KCNJ10: variants seen among roughly 807,000 people sequenced by gnomAD.
The protein encoded by KCNJ10 is ATP-sensitive inward rectifier potassium channel 10.
KCNJ10 carries 9 observed loss-of-function variants against 22.2 expected under a neutral mutation model. That is an observed-to-expected ratio of 0.40 (90% confidence interval 0.24 to 0.71). KCNJ10 has a LOEUF of 0.71. KCNJ10 is among the 30% of genes least tolerant of loss of function. The probability of loss-of-function intolerance (pLI) is 0.35; values close to 1 mark genes in which losing one functional copy is unlikely to be tolerated. For synonymous variants in KCNJ10, 184 were observed against 187.3 expected, an observed-to-expected ratio of 0.98 and a Z score of 0.15; for missense variants, 337 against 482.7, an observed-to-expected ratio of 0.70 and a Z score of 2.83.
chr1:160,049,717 A>ATATG (rs1648855672), intron 1 of KCNJ10, among the ~76,000 whole-genome samples: 1 of 113,778 alleles, frequency 8.8e-6, no homozygotes, highest in African/African-American at 3.4e-5. Context: ...ATATATATAT[A>ATATG]TATGTTATCC....
chr1:160,040,845 AG>A lies in KCNJ10; in HGVS notation c.*547del, dbSNP rs909225416. 129 of 370,574 alleles carry A rather than the reference AG, an allele frequency of 3.5e-4. No homozygotes were observed. The highest frequency in any genetic ancestry group is 2.5e-3 in the African/African-American group (122 of 48,298). The allele number at this position is 370,574 out of a possible 1,614,324, so 23.0% of individuals were successfully genotyped here. ...GGTCAGAAGTCACCAGCAGAAATCAAGCTTCACAGTGGCAAACCCTGGCTTC... is the reference window on the plus strand; with the variant it reads ...GGTCAGAAGTCACCAGCAGAAATCAACTTCACAGTGGCAAACCCTGGCTTC... On this transcript the variant is annotated 3_prime_UTR_variant, in exon 2 of 2. Coordinates refer to ENST00000644903, the MANE Select transcript of KCNJ10 (RefSeq NM_002241.5).
chr1:160,043,989 T>C (rs1012005033), intron 1 of KCNJ10, among the ~76,000 whole-genome samples: 2 of 152,180 alleles, frequency 1.3e-5, no homozygotes, highest in African/African-American at 4.8e-5. Flanking sequence ...TTCGAAAAAG[T>C]CTGAACCATT....
chr1:160,069,039 T>C (rs1649390893), intron 1 of KCNJ10, among the ~76,000 whole-genome samples: 1 of 152,330 alleles, frequency 6.6e-6, no homozygotes, highest in South Asian at 2.1e-4. Context: ...TTTGTATTGG[T>C]AAGCAACAGA....
intron 1 of KCNJ10, among the ~76,000 whole-genome samples, chr1:160,048,434 T>A (rs997406743): frequency 6.6e-6 from 1 of 152,228 alleles, no homozygotes; most frequent in Non-Finnish European, 1.5e-5. Flanking sequence ...GAGAATGAGC[T>A]TTGTAAATTG....
chr1:160,069,311 C>T lies in KCNJ10; in HGVS notation c.-1+711G>A, dbSNP rs1032169764. On this transcript the variant is annotated intron_variant, in intron 1 of 1. Transcript: ENST00000644903. ...AGAGGAGGAATGGAATGGGAAGGGGCGTCTCCATCTGGAGGGTGAGTTTAT... is the reference window on the plus strand; with the variant it reads ...AGAGGAGGAATGGAATGGGAAGGGGTGTCTCCATCTGGAGGGTGAGTTTAT... Among the ~76,000 whole-genome samples the T allele has an allele frequency of 2.6e-4, 39 of 152,178 alleles. 1 individual carries two copies. Among genetic ancestry groups the T allele is most frequent in the Admixed American group, 2.2e-3 (33 of 15,274 alleles).
chr1:160,050,510 G>A (rs866977191), intron 1 of KCNJ10, among the ~76,000 whole-genome samples: 63 of 152,274 alleles, frequency 4.1e-4, no homozygotes, highest in African/African-American at 1.5e-3. Flanking sequence ...AGATGGATCA[G>A]ATGTAGATTC....
At chr1:160,069,068 GC>G (rs1649391203) in intron 1 of KCNJ10, among the ~76,000 whole-genome samples, 1 of 152,330 alleles carries the variant, frequency 6.6e-6, no homozygotes, top group Non-Finnish European at 1.5e-5. Context: ...TTAAGCACTG[GC>G]CTCTTTGGGG....
chr1:160,055,930 C>T (rs1191725546), intron 1 of KCNJ10, among the ~76,000 whole-genome samples: 5 of 152,308 alleles, frequency 3.3e-5, no homozygotes, highest in East Asian at 3.9e-4. Context: ...CAGGCTCCCG[C>T]TACCTGGAGC....
At chr1:160,067,618 G>A (rs1649350492) in intron 1 of KCNJ10, among the ~76,000 whole-genome samples, 1 of 152,158 alleles carries the variant, frequency 6.6e-6, no homozygotes, top group African/African-American at 2.4e-5. Context: ...TCAGGCAAGA[G>A]AAGAATCTAG....
In KCNJ10 at chr1:160,040,600, G is replaced by T. The variant is rs560891462; in HGVS notation, c.*793C>A. 118 of 398,772 alleles carry T rather than the reference G, an allele frequency of 3.0e-4. No homozygotes were observed. Among genetic ancestry groups the T allele is most frequent in the African/African-American group, 2.2e-3 (107 of 48,762 alleles). The allele number at this position is 398,772 out of a possible 1,614,324, so 24.7% of individuals were successfully genotyped here. On this transcript the variant is annotated 3_prime_UTR_variant, in exon 2 of 2. Coordinates refer to ENST00000644903, the MANE Select transcript of KCNJ10 (RefSeq NM_002241.5). ...CAGGGAAACAGATCTTCTCTGGGCT[G>T]CCTGGAAGATAGGTTTAAAGGTTTA...
Position 160,041,693 on chromosome 1 carries a change from C to T in KCNJ10, c.840G>A (p.Val280=), listed in dbSNP as rs571482774. Residue 280 remains valine, a synonymous_variant, in exon 2 of 2, where the codon GTG becomes GTA. Transcript: ENST00000644903. The surrounding 1 kb of genome is among the most constrained non-coding windows in gnomAD (Gnocchi z 4.4). The stretch of plus-strand genomic sequence containing the variant: ...ACTCCACTGTCCCACTTAGGATCAG[C>T]ACCAGCTCAAAGTCACCCTCACCAC... ...LRSGEGDFEL[V]LILSGTVEST... The T allele has an allele frequency of 6.2e-7, 1 of 1,614,226 alleles. No individual in the cohort carries two copies. The highest frequency in any genetic ancestry group is 1.3e-5 in the African/African-American group (1 of 75,042).
At chr1:160,057,976 AG>A (rs1349150755) in intron 1 of KCNJ10, among the ~76,000 whole-genome samples, 1 of 151,874 alleles carries the variant, frequency 6.6e-6, no homozygotes, top group Non-Finnish European at 1.5e-5. Flanking sequence ...GAGCACCCCC[AG>A]GGCCAACTCC....
At position 160,041,120 on chromosome 1, in the gene KCNJ10, C is replaced by G; in HGVS notation, c.*273G>C. The G allele has an allele frequency of 2.3e-5, 12 of 522,022 alleles. No homozygotes were observed. In the South Asian group the frequency reaches 2.5e-4, roughly 11 times the overall value. 32.3% of individuals were successfully genotyped at this position (522,022 alleles called of 1,614,324 possible). On this transcript the variant is annotated 3_prime_UTR_variant, in exon 2 of 2. Transcript: ENST00000644903. This position sits in a 1 kb window ranked among gnomAD's most constrained non-coding sequence, Gnocchi z 4.4. ...AGTATCCAAGCATGGCTGAGGCCTT[C>G]TAAGCCACTTCAGCCTAATCCCACT...
chr1:160,042,350 G>A lies in KCNJ10; in HGVS notation c.183C>T (p.Asp61=), dbSNP rs774717149. The change falls in exon 2 of 2, where the codon GAC becomes GAT. Residue 61 remains aspartate (D), a synonymous_variant. Transcript: ENST00000644903. ...YLKDLWTTFI[D]MQWRYKLLLF... ...GCAGAAGCTTGTAGCGCCACTGCATGTCAATGAAGGTTGTCCACAGGTCCT... is the reference window on the plus strand; with the variant it reads ...GCAGAAGCTTGTAGCGCCACTGCATATCAATGAAGGTTGTCCACAGGTCCT... The A allele has an allele frequency of 1.2e-6, 2 of 1,613,134 alleles. No homozygotes were observed. The highest frequency in any genetic ancestry group is 1.7e-5 in the Admixed American group (1 of 60,014).
intron 1 of KCNJ10, among the ~76,000 whole-genome samples, chr1:160,052,640 C>T (rs767508425): frequency 6.6e-6 from 1 of 152,166 alleles, no homozygotes; most frequent in Admixed American, 6.6e-5. Flanking sequence ...TGTGTAAAAG[C>T]CACTCAGAAC....
chr1:160,057,268 C>T (rs573314174), intron 1 of KCNJ10, among the ~76,000 whole-genome samples: 57 of 152,298 alleles, frequency 3.7e-4, no homozygotes, highest in African/African-American at 1.2e-3. Context: ...CACTTGCTGA[C>T]GTTTATTTAA....
chr1:160,055,304 G>A (rs986289325), intron 1 of KCNJ10, among the ~76,000 whole-genome samples: 15 of 152,172 alleles, frequency 9.9e-5, no homozygotes, highest in African/African-American at 3.6e-4. Flanking sequence ...GGGGCAGGGG[G>A]CAGTTAAAGC....
chr1:160,049,695 ATATATATATATATATATATATATATG>A (rs1648851520), intron 1 of KCNJ10, among the ~76,000 whole-genome samples: 1 of 120,540 alleles, frequency 8.3e-6, no homozygotes, highest in Non-Finnish European at 1.7e-5. Flanking sequence ...ATATATATAT[ATATATATATATATATATATATATATG>A]TTATCCTAAA....
intron 1 of KCNJ10, among the ~76,000 whole-genome samples, chr1:160,062,848 T>A (rs1447553141): frequency 1.3e-5 from 2 of 151,926 alleles, no homozygotes; most frequent in African/African-American, 4.8e-5. Flanking sequence ...TTTGGGGTCT[T>A]TGGGGTTCTA....
Sources: allele counts gnomAD v4.1 joint callset (sites outside exome capture counted in the v4.1 genomes callset), GRCh38; gene constraint gnomAD v4.1.1; non-coding constraint Gnocchi (gnomAD v3.1); transcripts MANE v1.5; gene names NCBI Gene and HGNC (gene_info 2026-07-23, HGNC 2026-07-21).